Variants in NOL4 observed in about 807,000 individuals in gnomAD.
The protein encoded by NOL4 is cancer/testis antigen 125.
In NOL4, 17 loss-of-function variants were observed where a neutral mutation model predicts 75.9. That is an observed-to-expected ratio of 0.22 (90% CI 0.15 to 0.34). The LOEUF (loss-of-function observed/expected upper bound fraction) is 0.34, where lower values mean the gene tolerates loss of function less well. Ranked by LOEUF, NOL4 falls within the 10% of genes least tolerant of loss-of-function variation. NOL4 has a pLI of 1.00. For synonymous variants in NOL4, 292 were observed against 289.9 expected (o/e 1.01, Z -0.07); for missense variants, 614 against 793.5 (o/e 0.77, Z 2.72).
chr18:33,882,118 G>A (rs1278020459), intron 10 of NOL4, among the ~76,000 whole-genome samples: 1 of 152,116 alleles, frequency 6.6e-6, no homozygotes, highest in African/African-American at 2.4e-5. Context: ...GAAAACCTAG[G>A]CATTACCATT....
intron 5 of NOL4, among the ~76,000 whole-genome samples, chr18:34,070,601 A>G (rs1392166322): frequency 6.6e-6 from 1 of 152,228 alleles, no homozygotes; most frequent in Non-Finnish European, 1.5e-5. Flanking sequence ...AGAGTTATAC[A>G]GTCAGTGAAA....
rs114486530 is a variant in NOL4 at position 33,913,026 on chromosome 18, G to A, written c.1543-29602C>T. On this transcript the variant is annotated intron_variant, in intron 9 of 10. Coordinates refer to ENST00000261592, the MANE Select transcript of NOL4 (RefSeq NM_003787.5). Reference sequence around the variant, plus strand: ...CTCATTATATCTCTATTTTTTACGGGTGCCAAAGTTAGGACATTTATTCTT... The same window carrying A: ...CTCATTATATCTCTATTTTTTACGGATGCCAAAGTTAGGACATTTATTCTT... Among the ~76,000 whole-genome samples the A allele has an allele frequency of 6.3e-3, 954 of 152,064 alleles. 8 individuals carry two copies. The highest frequency in any genetic ancestry group is 0.021 in the African/African-American group (876 of 41,532).
At chr18:33,902,648 T>C (rs1046734334) in intron 9 of NOL4, among the ~76,000 whole-genome samples, 3 of 152,148 alleles carry the variant, frequency 2.0e-5, no homozygotes, top group African/African-American at 7.2e-5. Flanking sequence ...TTTGATGGAA[T>C]GTGAGTTCTT....
rs1306236040 is a variant in NOL4 at position 34,093,546 on chromosome 18, T to A, written c.691A>T (p.Met231Leu). The change falls in exon 5 of 11, where the codon ATG (methionine) becomes TTG (leucine). Residue 231 changes from methionine (M) to leucine (L), a missense_variant. Physicochemically the swap from Met to Leu is conservative, Grantham distance 15 (BLOSUM62 2). Coordinates refer to ENST00000261592, the MANE Select transcript of NOL4 (RefSeq NM_003787.5). Reference protein sequence around the residue: ...DEFDMSDSTRMSAVNSDLSSN... With the variant: ...DEFDMSDSTRLSAVNSDLSSN... ...CTAAGATCAGAGTTCACAGCTGACATCCGTGTTGAATCACTCATGTCAAAT... is the reference window on the plus strand; with the variant it reads ...CTAAGATCAGAGTTCACAGCTGACAACCGTGTTGAATCACTCATGTCAAAT... 2 of 1,608,886 alleles carry A rather than the reference T, an allele frequency of 1.2e-6. No individual in the cohort carries two copies. Among genetic ancestry groups the A allele is most frequent in the Non-Finnish European group, 1.7e-6 (2 of 1,176,802 alleles).
At chr18:33,860,517 C>G (rs1164763004) in intron 10 of NOL4, among the ~76,000 whole-genome samples, 1 of 152,152 alleles carries the variant, frequency 6.6e-6, no homozygotes, top group Non-Finnish European at 1.5e-5. Context: ...TGCTTATCAG[C>G]TTAAGGAGAT....
chr18:33,923,293 T>G (rs1230946192), intron 9 of NOL4, among the ~76,000 whole-genome samples: 1 of 152,034 alleles, frequency 6.6e-6, no homozygotes, highest in East Asian at 1.9e-4. Context: ...AGATTCTCTG[T>G]TGATCATACA....
chr18:33,959,952 TGTGTGC>T (rs2069967955), intron 6 of NOL4, among the ~76,000 whole-genome samples: 2 of 152,070 alleles, frequency 1.3e-5, no homozygotes, highest in South Asian at 4.1e-4. Context: ...TGTGTGTGTG[TGTGTGC>T]GTGTATGCAC....
intron 5 of NOL4, among the ~76,000 whole-genome samples, chr18:34,040,955 G>T (rs192951400): frequency 1.3e-5 from 2 of 151,938 alleles, no homozygotes; most frequent in Admixed American, 1.3e-4. Flanking sequence ...ATTTAAGTTG[G>T]CAAGGAACAC....
At chr18:34,108,562 A>C (rs1468871057) in intron 2 of NOL4, among the ~76,000 whole-genome samples, 1 of 152,190 alleles carries the variant, frequency 6.6e-6, no homozygotes, top group Non-Finnish European at 1.5e-5. Flanking sequence ...CACATCAAAC[A>C]TAATAGGGTG....
chr18:34,049,498 C>T (rs914046543), intron 5 of NOL4, among the ~76,000 whole-genome samples: 1 of 151,852 alleles, frequency 6.6e-6, no homozygotes, highest in Non-Finnish European at 1.5e-5. Context: ...AACATTACTG[C>T]GATTCAAATG....
chr18:33,942,916 A>C (rs2068591313), intron 9 of NOL4, 149 bp downstream of exon 9: 1 of 570,108 alleles, frequency 1.8e-6, no homozygotes, highest in South Asian at 2.5e-5. Flanking sequence ...ACACATTTTC[A>C]AGTTTAAATT....
chr18:34,053,748 A>G (rs1056571829), intron 5 of NOL4, among the ~76,000 whole-genome samples: 6 of 152,072 alleles, frequency 3.9e-5, no homozygotes, highest in Non-Finnish European at 7.4e-5. Flanking sequence ...AAAAAGGGGG[A>G]GCAATATTAT....
intron 2 of NOL4, among the ~76,000 whole-genome samples, chr18:34,125,753 T>C (rs182978503): frequency 0.019 from 2,908 of 152,068 alleles, 53 homozygotes; most frequent in Middle Eastern, 0.048. Context: ...AGCATTTTTT[T>C]AAAAAAAGAG....
At chr18:34,044,198 T>C (rs2076261831) in intron 5 of NOL4, among the ~76,000 whole-genome samples, 2 of 152,088 alleles carry the variant, frequency 1.3e-5, no homozygotes, top group South Asian at 4.1e-4. Context: ...CAAACAACTG[T>C]TAATTGTTGA....
intron 5 of NOL4, among the ~76,000 whole-genome samples, chr18:34,078,941 G>A (rs28636998): frequency 1.5e-4 from 23 of 152,198 alleles, no homozygotes; most frequent in African/African-American, 5.5e-4. Context: ...ACTTCAGGTA[G>A]GACTGGCATA....
At chr18:34,136,129 A>G (rs2080881112) in intron 1 of NOL4, among the ~76,000 whole-genome samples, 1 of 152,144 alleles carries the variant, frequency 6.6e-6, no homozygotes, top group Non-Finnish European at 1.5e-5. Flanking sequence ...CATTTGACAA[A>G]AGCCAACATA....
rs371452778 is a variant in NOL4, at chr18:34,223,166, G to T, written c.88C>A (p.Arg30Ser). 1.2e-6 allele frequency: 2 copies of T among 1,614,174 alleles called. No individual in the cohort carries two copies. The highest frequency in any genetic ancestry group is 1.7e-6 in the Non-Finnish European group (2 of 1,180,046). The change falls in exon 1 of 11, where the codon CGT becomes AGT. Residue 30 changes from arginine to serine, a missense_variant. Coordinates refer to ENST00000261592, the MANE Select transcript of NOL4 (RefSeq NM_003787.5). ...GDSGKTKTVT[R>S]KKYERIVQLL... The stretch of plus-strand genomic sequence containing the variant: ...TGGACGATCCGTTCGTATTTTTTAC[G>T]GGTCACCGTCTTGGTCTTGCCTGAG...
chr18:33,928,365 A>C (rs935906855), intron 9 of NOL4, among the ~76,000 whole-genome samples: 1 of 152,214 alleles, frequency 6.6e-6, no homozygotes, highest in Non-Finnish European at 1.5e-5. Context: ...TAAAACATCA[A>C]ATTTTCCATA....
chr18:34,211,024 G>C (rs1180950931), intron 1 of NOL4, among the ~76,000 whole-genome samples: 2 of 151,832 alleles, frequency 1.3e-5, no homozygotes, highest in African/African-American at 2.4e-5. Context: ...AGGTTGCAGT[G>C]AGCCGAGATC....
Sources: gnomAD v4.1 joint callset for allele counts (sites outside exome capture counted in the v4.1 genomes callset) on GRCh38, gnomAD v4.1.1 for gene constraint, MANE v1.5 for transcripts, NCBI Gene and HGNC (gene_info 2026-07-23, HGNC 2026-07-21) for gene names.